The following CCDC171 variants were observed in gnomAD, a reference collection of about 807,000 sequenced individuals.
CCDC171 encodes coiled-coil domain containing 171.
CCDC171 carries 177 observed loss-of-function variants against 168.2 expected under a neutral mutation model. The observed-to-expected ratio is 1.05, with a 90% CI of 0.93 to 1.19. The LOEUF (loss-of-function observed/expected upper bound fraction) is 1.19, where lower values mean the gene tolerates loss of function less well. Among genes scored for constraint, CCDC171 ranks in the 50% most tolerant of loss-of-function variants. The pLI, the probability that CCDC171 is intolerant of heterozygous loss-of-function variation, is 0.00. For missense variants in CCDC171, 1,991 were observed against 1,539.0 expected, an observed-to-expected ratio of 1.29 and a Z score of -4.91; for synonymous variants, 687 against 540.8, an observed-to-expected ratio of 1.27 and a Z score of -3.75.
chr9:15,615,033 T>G (rs560450980), intron 6 of CCDC171, among the ~76,000 whole-genome samples: 1 of 152,276 alleles, frequency 6.6e-6, no homozygotes, highest in East Asian at 1.9e-4. Flanking sequence ...AACATCTTGA[T>G]AGCATAATCT....
At chr9:15,842,822 T>G (rs931268398) in intron 21 of CCDC171, among the ~76,000 whole-genome samples, 1 of 151,946 alleles carries the variant, frequency 6.6e-6, no homozygotes, top group Non-Finnish European at 1.5e-5. Flanking sequence ...TAATAAACGT[T>G]TGAAGCTTTA....
At chr9:15,843,491 A>G (rs765228048) in intron 21 of CCDC171, among the ~76,000 whole-genome samples, 4 of 152,092 alleles carry the variant, frequency 2.6e-5, no homozygotes, top group Admixed American at 2.0e-4. Context: ...ACCTGAGTAC[A>G]AAATGAGGGC....
intron 21 of CCDC171, among the ~76,000 whole-genome samples, chr9:15,813,209 G>A (rs2059429953): frequency 6.6e-6 from 1 of 152,148 alleles, no homozygotes; most frequent in Non-Finnish European, 1.5e-5. Flanking sequence ...TTAAATATTG[G>A]TTATATGGTT....
At chr9:15,657,997 A>G (rs1474335272) in intron 8 of CCDC171, among the ~76,000 whole-genome samples, 11 of 152,194 alleles carry the variant, frequency 7.2e-5, no homozygotes, top group East Asian at 1.9e-4. Context: ...ATTTGTTTAC[A>G]TATTGTTTAT....
At position 15,927,752 on chromosome 9, in the gene CCDC171, AG is replaced by A. The variant is rs1159669138; in HGVS notation, c.3753+7331del. Among the ~76,000 whole-genome samples, 6 of 151,770 alleles carry A rather than the reference AG, an allele frequency of 4.0e-5. No homozygotes were observed. The East Asian group carries it at 1.2e-3, about 30-fold the overall frequency. ...AAAAAAAGGGATCCTCTTTCTCTTA[AG>A]TTCCAAAATAGCATTTCACCACATT... On this transcript the variant is annotated intron_variant, in intron 25 of 25. Transcript: ENST00000380701.
At chr9:16,056,714 C>A (rs1237448758) in intron 1 of CCDC171, among the ~76,000 whole-genome samples, 1 of 152,136 alleles carries the variant, frequency 6.6e-6, no homozygotes, top group Non-Finnish European at 1.5e-5. Context: ...TCTCAAACTC[C>A]TGGCCTCAGA....
At chr9:15,782,831 G>A (rs2057735719) in intron 20 of CCDC171, among the ~76,000 whole-genome samples, 1 of 152,112 alleles carries the variant, frequency 6.6e-6, no homozygotes, top group African/African-American at 2.4e-5. Flanking sequence ...GTTAAACAGC[G>A]AGTAAAAAGT....
chr9:15,651,162 T>A (rs1315410715), intron 7 of CCDC171, among the ~76,000 whole-genome samples: 1 of 151,788 alleles, frequency 6.6e-6, no homozygotes, highest in Non-Finnish European at 1.5e-5. Context: ...CAGGCTGGAG[T>A]GCAGTGTGCA....
At chr9:16,009,412 A>C (rs2132980185) in intron 3 of CCDC171, among the ~76,000 whole-genome samples, 1 of 152,318 alleles carries the variant, frequency 6.6e-6, no homozygotes, top group African/African-American at 2.4e-5. Flanking sequence ...TCCTTAGCTC[A>C]TTGTTAATTC....
At chr9:16,016,953 C>T (rs1363888030) in intron 3 of CCDC171, among the ~76,000 whole-genome samples, 1 of 152,068 alleles carries the variant, frequency 6.6e-6, no homozygotes, top group Non-Finnish European at 1.5e-5. Flanking sequence ...ATGCACCCAG[C>T]AGTTTTCCAG....
Position 15,874,591 on chromosome 9 carries a change from G to A in CCDC171, c.3528G>A (p.Gln1176=). Residue 1176 remains glutamine (Q), a synonymous_variant, in exon 24 of 26, where the codon CAG becomes CAA. Transcript: ENST00000380701. The part of the protein sequence containing the change: ...SAASRNDFTL[Q]LPKLHLETFA... ...CAAGTAGGAATGACTTCACCCTACAGCTACCCAAACTGCACCTGGAGACCT... is the reference window on the plus strand; with the variant it reads ...CAAGTAGGAATGACTTCACCCTACAACTACCCAAACTGCACCTGGAGACCT... The A allele has an allele frequency of 1.2e-6, 2 of 1,607,744 alleles. No individual in the cohort carries two copies. Among genetic ancestry groups the A allele is most frequent in the Non-Finnish European group, 1.7e-6 (2 of 1,177,202 alleles).
chr9:15,730,294 A>G (rs1417072058), intron 16 of CCDC171, among the ~76,000 whole-genome samples: 3 of 149,718 alleles, frequency 2.0e-5, no homozygotes, highest in Non-Finnish European at 4.4e-5. Context: ...GTTGTAGGCC[A>G]TGTAGCAAAA....
At chr9:16,106,656 A>G in the CCDC171 span, among the ~76,000 whole-genome samples, 1 of 152,214 alleles carries the variant, frequency 6.6e-6, no homozygotes, top group Non-Finnish European at 1.5e-5. Context: ...GAGAAGTCAG[A>G]TCTTCCGCCT....
At position 15,995,435 on chromosome 9, in the gene CCDC171, C is replaced by T. The variant is rs77256912; in HGVS notation, n.369-25154C>T. On this transcript the variant is annotated intron_variant and non_coding_transcript_variant, in intron 3 of 9. Coordinates refer to the CCDC171 transcript ENST00000486641. ...ATAATGGACTGGTGAGAAATTCACT[C>T]CTTGAAAACAGCAAGGACACAAGCT... Among the ~76,000 whole-genome samples the T allele has an allele frequency of 2.4e-3, 369 of 152,336 alleles. 1 individual carries two copies. The highest frequency in any genetic ancestry group is 0.02 in the Middle Eastern group (6 of 294).
In CCDC171 at chr9:15,605,782, T is replaced by C. The variant is rs1252247070; in HGVS notation, c.675+11610T>C. 2.6e-5 allele frequency among the ~76,000 whole-genome samples: 4 copies of C among 152,046 alleles called. No homozygotes were observed. The East Asian group carries it at 7.7e-4, about 29-fold the overall frequency. Reference sequence around the variant, plus strand: ...CTTTCACCTCTGATTTCGCTCCTCATGTCAGGATATAGAAGCATTACGTTT... The same window carrying C: ...CTTTCACCTCTGATTTCGCTCCTCACGTCAGGATATAGAAGCATTACGTTT... On this transcript the variant is annotated intron_variant, in intron 6 of 25. Transcript: ENST00000380701.
intron 25 of CCDC171, among the ~76,000 whole-genome samples, chr9:15,931,750 T>C (rs747007931): frequency 1.9e-4 from 29 of 151,796 alleles, no homozygotes; most frequent in Non-Finnish European, 3.4e-4. Flanking sequence ...TATCATAGCT[T>C]TGCATTTTAC....
intron 21 of CCDC171, among the ~76,000 whole-genome samples, chr9:15,788,016 G>A (rs570988267): frequency 2.0e-5 from 3 of 152,186 alleles, no homozygotes; most frequent in South Asian, 2.1e-4. Context: ...ATATCTTTAC[G>A]CAGATAAAGA....
At chr9:15,792,474 G>A (rs10810448) in intron 21 of CCDC171, among the ~76,000 whole-genome samples, 69,062 of 151,692 alleles carry the variant, frequency 0.46, 16,080 homozygotes, top group East Asian at 0.65. Flanking sequence ...TACAGAGAAC[G>A]CCACAAAGAT....
the CCDC171 span, among the ~76,000 whole-genome samples, chr9:16,102,672 T>C: frequency 6.6e-6 from 1 of 152,182 alleles, no homozygotes; most frequent in Non-Finnish European, 1.5e-5. Context: ...GTTTGTGTTT[T>C]GCAATTCTCC....
Sources: allele counts gnomAD v4.1 joint callset (sites outside exome capture counted in the v4.1 genomes callset), GRCh38; gene constraint gnomAD v4.1.1; transcripts MANE v1.5; gene names NCBI Gene and HGNC (gene_info 2026-07-23, HGNC 2026-07-21).